MYO3B: variants seen among roughly 807,000 people sequenced by gnomAD.
MYO3B encodes the protein myosin-IIIb.
In MYO3B, 156 loss-of-function variants were observed where a neutral mutation model predicts 174.6. The ratio of observed to expected loss-of-function variants is 0.89; its 90% CI spans 0.78 to 1.02. The LOEUF (loss-of-function observed/expected upper bound fraction) is 1.02. Ranked by LOEUF, MYO3B falls within the 50% of genes least tolerant of loss-of-function variation. MYO3B has a pLI of 0.00. For synonymous variants in MYO3B, 563 were observed against 569.1 expected (o/e 0.99, Z 0.15); for missense variants, 1,632 against 1,639.4 (o/e 1.00, Z 0.08).
At chr2:170,414,664 TTTAGGAAGAATTAG>T (rs2094566999) in intron 22 of MYO3B, among the ~76,000 whole-genome samples, 2 of 152,232 alleles carry the variant, frequency 1.3e-5, no homozygotes, top group African/African-American at 4.8e-5. Context: ...TACAGATGAA[TTTAGGAAGAATTAG>T]CAACCTTGCT....
chr2:170,542,426 T>A (rs1390040847), intron 30 of MYO3B, among the ~76,000 whole-genome samples: 1 of 152,232 alleles, frequency 6.6e-6, no homozygotes, highest in Non-Finnish European at 1.5e-5. Flanking sequence ...CATAAATGTA[T>A]ATTGTAATTT....
At chr2:170,289,023 T>C (rs1249300773) in intron 7 of MYO3B, among the ~76,000 whole-genome samples, 1 of 152,162 alleles carries the variant, frequency 6.6e-6, no homozygotes, top group Non-Finnish European at 1.5e-5. Flanking sequence ...TTAATTTGAC[T>C]ATGTTGAACC....
At chr2:170,389,953 C>T (rs1190353627) in intron 14 of MYO3B, among the ~76,000 whole-genome samples, 3 of 152,162 alleles carry the variant, frequency 2.0e-5, no homozygotes, top group African/African-American at 7.2e-5. Context: ...TCCCTGTAGC[C>T]ATCTTGGCTT....
intron 30 of MYO3B, among the ~76,000 whole-genome samples, chr2:170,531,963 G>C (rs1689382026): frequency 6.6e-6 from 1 of 152,206 alleles, no homozygotes; most frequent in Non-Finnish European, 1.5e-5. Context: ...AGTTTGAGGA[G>C]TAATAAACTA....
chr2:170,473,413 T>C (rs1266552416), intron 25 of MYO3B, among the ~76,000 whole-genome samples: 2 of 152,132 alleles, frequency 1.3e-5, no homozygotes, highest in African/African-American at 2.4e-5. Context: ...CCCAAAGTAC[T>C]GGGATTACAG....
chr2:170,618,101 G>T (rs370597234), intron 32 of MYO3B, among the ~76,000 whole-genome samples: 1 of 152,118 alleles, frequency 6.6e-6, no homozygotes, highest in Non-Finnish European at 1.5e-5. Context: ...TACATTAGTG[G>T]GTCCCAGGCA....
At chr2:170,597,169 G>A (rs756406510) in intron 32 of MYO3B, among the ~76,000 whole-genome samples, 1 of 151,898 alleles carries the variant, frequency 6.6e-6, no homozygotes, top group African/African-American at 2.4e-5. Context: ...ACCCTGCCTC[G>A]AGAGCAGCCT....
At chr2:170,603,986 A>G (rs746154927) in intron 32 of MYO3B, among the ~76,000 whole-genome samples, 2 of 152,220 alleles carry the variant, frequency 1.3e-5, no homozygotes, top group Admixed American at 6.5e-5. Flanking sequence ...AATTGCCTAC[A>G]GTATTTTGTA....
intron 32 of MYO3B, among the ~76,000 whole-genome samples, chr2:170,623,221 C>T (rs993354320): frequency 1.3e-5 from 2 of 152,190 alleles, no homozygotes; most frequent in African/African-American, 2.4e-5. Context: ...TCTCCACATC[C>T]TCTCCAGCAC....
chr2:170,339,907 T>C (rs2093967088), intron 8 of MYO3B, among the ~76,000 whole-genome samples: 1 of 152,192 alleles, frequency 6.6e-6, no homozygotes, highest in Non-Finnish European at 1.5e-5. Flanking sequence ...TTGTCACCTC[T>C]ATAATGTGTG....
At chr2:170,425,676 A>C (rs1209123601) in intron 22 of MYO3B, among the ~76,000 whole-genome samples, 1 of 152,228 alleles carries the variant, frequency 6.6e-6, no homozygotes, top group Non-Finnish European at 1.5e-5. Flanking sequence ...AAAAAAATCC[A>C]GACATCCTCT....
intron 1 of MYO3B, 106 bp from the exon 2 acceptor site, chr2:170,199,097 TAAAAA>T: frequency 1.4e-6 from 1 of 700,502 alleles, no homozygotes; most frequent in Admixed American, 3.0e-5. Context: ...AGGAAGAAAA[TAAAAA>T]GTAACATGAG....
At chr2:170,460,199 CCT>C (rs1684184253) in intron 23 of MYO3B, among the ~76,000 whole-genome samples, 1 of 152,016 alleles carries the variant, frequency 6.6e-6, no homozygotes, top group Non-Finnish European at 1.5e-5. Flanking sequence ...CTCAATATCA[CCT>C]ATTCTAGGCC....
intron 5 of MYO3B, among the ~76,000 whole-genome samples, chr2:170,215,501 A>G (rs568064277): frequency 1.3e-5 from 2 of 152,336 alleles, no homozygotes; most frequent in Admixed American, 6.5e-5. Flanking sequence ...GTTCAGCAAT[A>G]GTACTTCAGA....
intron 32 of MYO3B, chr2:170,601,962 G>A (rs573972503): frequency 2.4e-5 from 20 of 849,798 alleles, no homozygotes; most frequent in Admixed American, 3.9e-5. Flanking sequence ...TGGAATCCTC[G>A]AACTTCTTTT....
chr2:170,182,484 T>C (rs2092412901), intron 1 of MYO3B, among the ~76,000 whole-genome samples: 1 of 152,186 alleles, frequency 6.6e-6, no homozygotes, highest in Non-Finnish European at 1.5e-5. Context: ...TCTGACTACT[T>C]ATTTCTACCC....
At chr2:170,636,103 T>C (rs1425016601) in intron 32 of MYO3B, among the ~76,000 whole-genome samples, 2 of 152,216 alleles carry the variant, frequency 1.3e-5, no homozygotes, top group Non-Finnish European at 2.9e-5. Context: ...CTGTGCCCCA[T>C]ACTTTAGATC....
intron 23 of MYO3B, among the ~76,000 whole-genome samples, chr2:170,448,586 C>T (rs1232001389): frequency 3.3e-5 from 5 of 152,150 alleles, no homozygotes; most frequent in Non-Finnish European, 7.3e-5. Flanking sequence ...TTAGTATCCT[C>T]ATCTATAGTT....
rs71412032 is a variant in MYO3B at position 170,619,737 on chromosome 2, C to CTTTTTTTTTTTTTTTTTTTTTT, written c.3734-31885_3734-31864dup. Among the ~76,000 whole-genome samples the CTTTTTTTTTTTTTTTTTTTTTT allele has an allele frequency of 1.2e-4, 6 of 50,778 alleles. 2 individuals carry two copies. Among genetic ancestry groups the CTTTTTTTTTTTTTTTTTTTTTT allele is most frequent in the Non-Finnish European group, 2.0e-4 (6 of 29,646 alleles). The allele number at this position is 50,778 out of a possible 152,430, so 33.3% of individuals were successfully genotyped here. On this transcript the variant is annotated intron_variant, in intron 32 of 34. Transcript: ENST00000408978. ...GATGGCCCATCACTGCTGCCATATT[C>CTTTTTTTTTTTTTTTTTTTTTT]TTTTTTTTTTTTTTTTTTTTTTTTT...
Sources: gnomAD v4.1 joint callset for allele counts (sites outside exome capture counted in the v4.1 genomes callset) on GRCh38, gnomAD v4.1.1 for gene constraint, MANE v1.5 for transcripts, NCBI Gene and HGNC (gene_info 2026-07-23, HGNC 2026-07-21) for gene names.